The following PRIMA1 variants were observed in gnomAD, a reference collection of about 807,000 sequenced individuals.
PRIMA1 encodes the protein proline-rich membrane anchor 1.
A neutral mutation model predicts 17.5 loss-of-function variants in PRIMA1; 7 were observed. That is an observed-to-expected ratio of 0.40 (90% CI 0.23 to 0.75). The LOEUF (loss-of-function observed/expected upper bound fraction) is 0.75, where lower values mean the gene tolerates loss of function less well. PRIMA1 is among the 30% of genes least tolerant of loss of function. The pLI is 0.37. For missense variants in PRIMA1, 200 were observed against 201.8 expected, an observed-to-expected ratio of 0.99 and a Z score of 0.05; for synonymous variants, 97 against 77.9, an observed-to-expected ratio of 1.25 and a Z score of -1.29.
intron 3 of PRIMA1, among the ~76,000 whole-genome samples, chr14:93,743,734 G>C (rs2076198332): frequency 6.6e-6 from 1 of 152,228 alleles, no homozygotes; most frequent in Non-Finnish European, 1.5e-5. Context: ...GAGCAGAGGT[G>C]AAAGGAGTCA....
intron 3 of PRIMA1, among the ~76,000 whole-genome samples, chr14:93,770,574 T>A (rs765926895): frequency 2.0e-5 from 3 of 152,246 alleles, no homozygotes; most frequent in Non-Finnish European, 4.4e-5. Context: ...TCAGCTTAAA[T>A]GGCATCTCAG....
intron 3 of PRIMA1, among the ~76,000 whole-genome samples, chr14:93,774,368 T>C (rs1383337905): frequency 6.6e-6 from 1 of 152,132 alleles, no homozygotes; most frequent in Non-Finnish European, 1.5e-5. Context: ...TGAAGAGCAA[T>C]GCCTGCCTGG....
intron 3 of PRIMA1, among the ~76,000 whole-genome samples, chr14:93,749,399 AGCAC>A (rs2076246860): frequency 6.6e-6 from 1 of 152,238 alleles, no homozygotes; most frequent in Non-Finnish European, 1.5e-5. Flanking sequence ...GCACCATGCT[AGCAC>A]TGGGGACAGG....
intron 3 of PRIMA1, among the ~76,000 whole-genome samples, chr14:93,746,053 G>A (rs2076215342): frequency 6.6e-6 from 1 of 152,118 alleles, no homozygotes; most frequent in Admixed American, 6.5e-5. Flanking sequence ...CCACCCTCCA[G>A]AGGGCCTAGG....
At chr14:93,779,109 C>G in intron 3 of PRIMA1, 67 bp downstream of exon 3, 1 of 1,206,320 alleles carries the variant, frequency 8.3e-7, no homozygotes, top group Non-Finnish European at 1.1e-6. Context: ...CGGCCACACT[C>G]AGTGGATCTT....
chr14:93,732,867 A>T (rs2076123982), intron 4 of PRIMA1, among the ~76,000 whole-genome samples: 1 of 151,946 alleles, frequency 6.6e-6, no homozygotes, highest in Admixed American at 6.6e-5. Flanking sequence ...TGGGGACTTG[A>T]CTCCCAGTTC....
rs900182152 is a variant in PRIMA1 at position 93,788,467 on chromosome 14, C to T, written c.-89G>A. On this transcript the variant is annotated 5_prime_UTR_variant, in exon 1 of 5. Transcript: ENST00000393140. ...CTCGGGGAAAAGAGGTCCGCGTTCC[C>T]CCCGCGGCAGCTCTGTTTCCCAGCA... 2 of 152,394 alleles carry T rather than the reference C, an allele frequency of 1.3e-5. No homozygotes were observed. Among genetic ancestry groups the T allele is most frequent in the African/African-American group, 4.8e-5 (2 of 41,472 alleles). The allele number at this position is 152,394 out of a possible 1,614,324, so 9.4% of individuals were successfully genotyped here.
At chr14:93,756,880 C>T (rs900358043) in intron 3 of PRIMA1, among the ~76,000 whole-genome samples, 3 of 152,302 alleles carry the variant, frequency 2.0e-5, no homozygotes, top group Admixed American at 6.5e-5. Flanking sequence ...CCCCTTCAAA[C>T]GTGTCCTCCA....
At chr14:93,748,082 G>A (rs1349099044) in intron 3 of PRIMA1, among the ~76,000 whole-genome samples, 1 of 151,676 alleles carries the variant, frequency 6.6e-6, no homozygotes, top group Non-Finnish European at 1.5e-5. Context: ...GTATGTGTGT[G>A]AGTGCGTATG....
At chr14:93,781,811 C>T (rs1019191974) in intron 2 of PRIMA1, among the ~76,000 whole-genome samples, 8 of 146,088 alleles carry the variant, frequency 5.5e-5, no homozygotes, top group African/African-American at 1.5e-4. Flanking sequence ...CCTGTCTCTA[C>T]AAAAAAAAAA....
intron 4 of PRIMA1, among the ~76,000 whole-genome samples, chr14:93,724,405 G>A (rs570418718): frequency 3.9e-5 from 6 of 152,212 alleles, no homozygotes; most frequent in South Asian, 2.1e-4. Flanking sequence ...TGTTTATGTC[G>A]GGATCCATGG....
chr14:93,766,026 T>C (rs2141183541), intron 3 of PRIMA1, among the ~76,000 whole-genome samples: 1 of 152,322 alleles, frequency 6.6e-6, no homozygotes, highest in Non-Finnish European at 1.5e-5. Context: ...CAAAAGTCCT[T>C]TGCACTCAGG....
intron 3 of PRIMA1, among the ~76,000 whole-genome samples, chr14:93,768,426 G>A (rs1884955591): frequency 6.6e-6 from 1 of 152,176 alleles, no homozygotes; most frequent in East Asian, 1.9e-4. Context: ...TTAGCCAAAG[G>A]TCTCAACCTT....
At chr14:93,785,115 C>T (rs1375242751) in intron 2 of PRIMA1, among the ~76,000 whole-genome samples, 1 of 148,648 alleles carries the variant, frequency 6.7e-6, no homozygotes, top group African/African-American at 2.5e-5. Context: ...GACAGGCCAG[C>T]ACCACGGTAA....
intron 3 of PRIMA1, among the ~76,000 whole-genome samples, chr14:93,750,156 G>A (rs554994876): frequency 2.0e-5 from 3 of 152,130 alleles, no homozygotes; most frequent in South Asian, 2.1e-4. Flanking sequence ...CCACTGCACC[G>A]TAGCCTGGGA....
intron 2 of PRIMA1, among the ~76,000 whole-genome samples, chr14:93,783,862 A>T (rs1043948686): frequency 4.6e-5 from 7 of 151,782 alleles, no homozygotes; most frequent in Non-Finnish European, 1.0e-4. Context: ...TTCTCCAACC[A>T]CCATCCTACT....
chr14:93,765,858 C>T (rs1884880020), intron 3 of PRIMA1, among the ~76,000 whole-genome samples: 2 of 152,204 alleles, frequency 1.3e-5, no homozygotes, highest in African/African-American at 4.8e-5. Flanking sequence ...CTGCAGCCCC[C>T]TAAAGGCCAG....
At chr14:93,741,759 G>A (rs1167581921) in intron 3 of PRIMA1, among the ~76,000 whole-genome samples, 1 of 152,168 alleles carries the variant, frequency 6.6e-6, no homozygotes, top group African/African-American at 2.4e-5. Flanking sequence ...GGGAGGCTGA[G>A]ACAATCAGAG....
intron 3 of PRIMA1, among the ~76,000 whole-genome samples, chr14:93,767,375 C>G (rs1192221117): frequency 6.6e-6 from 1 of 152,184 alleles, no homozygotes; most frequent in African/African-American, 2.4e-5. Flanking sequence ...CTAGGTGAGT[C>G]TCACTGTGGA....
Sources: allele counts gnomAD v4.1 joint callset (sites outside exome capture counted in the v4.1 genomes callset), GRCh38; gene constraint gnomAD v4.1.1; transcripts MANE v1.5; gene names NCBI Gene and HGNC (gene_info 2026-07-23, HGNC 2026-07-21).